The following TRIP12 variants were observed in gnomAD, a reference collection of about 807,000 sequenced individuals.
TRIP12 encodes thyroid hormone receptor interactor 12, also known as E3 ubiquitin-protein ligase TRIP12.
TRIP12 carries 25 observed loss-of-function variants against 244.2 expected under a neutral mutation model. The ratio of observed to expected loss-of-function variants is 0.10; its 90% CI spans 0.07 to 0.14. The LOEUF (loss-of-function observed/expected upper bound fraction) is 0.14, where lower values mean the gene tolerates loss of function less well. Among genes scored for constraint, TRIP12 ranks in the 10% least tolerant of loss-of-function variants. TRIP12 has a pLI of 1.00. For synonymous variants in TRIP12, 905 were observed against 873.1 expected (o/e 1.04, Z -0.64); for missense variants, 1,677 against 2,486.4 (o/e 0.67, Z 6.92).
chr2:229,864,776 A>G (rs2061211384), intron 2 of TRIP12, among the ~76,000 whole-genome samples: 1 of 152,198 alleles, frequency 6.6e-6, no homozygotes, highest in Admixed American at 6.5e-5. Context: ...CTGCAACAGA[A>G]CAGACTATAA....
At chr2:229,919,720 G>A (rs941186597) in intron 1 of TRIP12, among the ~76,000 whole-genome samples, 9 of 152,090 alleles carry the variant, frequency 5.9e-5, no homozygotes, top group African/African-American at 1.9e-4. Flanking sequence ...ACTGGGGATT[G>A]AATGGAAACA....
chr2:229,864,049 T>TGAGTGA (rs1220540272), intron 2 of TRIP12, among the ~76,000 whole-genome samples: 255 of 68,524 alleles, frequency 3.7e-3, no homozygotes, highest in Non-Finnish European at 5.5e-3. Context: ...AGAGAGAGAG[T>TGAGTGA]GTGTGTGTGT....
chr2:229,793,317 A>G, intron 26 of TRIP12, 172 bp from the exon 27 acceptor site: 1 of 581,884 alleles, frequency 1.7e-6, no homozygotes. Context: ...TATTTAGAAA[A>G]AATTTTTATA....
intron 2 of TRIP12, among the ~76,000 whole-genome samples, chr2:229,867,081 C>T (rs1371519584): frequency 1.4e-5 from 2 of 144,862 alleles, no homozygotes; most frequent in African/African-American, 5.1e-5. Context: ...TATATATATA[C>T]ACACACACAT....
rs754491593 is a variant in TRIP12 at position 229,858,824 on chromosome 2, A to G, written c.975T>C (p.Ser325=). The change falls in exon 4 of 42, where the codon TCT becomes TCC. Residue 325 remains serine, a synonymous_variant. Coordinates refer to ENST00000675903, the MANE Select transcript of TRIP12 (RefSeq NM_001348323.3). ...GTCCAGGTTTTGATGTCTCTGACTT[A>G]GAAGACCCTGGAAGAGACAGTTTTG... ...PKTKLSLPGS[S]KSETSKPGPS... The G allele has an allele frequency of 9.9e-6, 16 of 1,613,054 alleles. No individual in the cohort carries two copies. The highest frequency in any genetic ancestry group is 1.4e-5 in the Non-Finnish European group (16 of 1,179,146).
intron 4 of TRIP12, among the ~76,000 whole-genome samples, chr2:229,851,381 A>T (rs1480053030): frequency 1.3e-5 from 2 of 151,840 alleles, no homozygotes; most frequent in Non-Finnish European, 2.9e-5. Flanking sequence ...TATCTAGCTA[A>T]TCTGGTGGGG....
chr2:229,904,408 TC>T (rs776978969), intron 1 of TRIP12, among the ~76,000 whole-genome samples: 20 of 88,228 alleles, frequency 2.3e-4, no homozygotes, highest in Non-Finnish European at 3.3e-4. Flanking sequence ...AGAGTGAGAC[TC>T]CATCTCCAAA....
intron 19 of TRIP12, 51 bp from the exon 20 acceptor site, chr2:229,803,740 AT>A: frequency 7.4e-7 from 1 of 1,357,194 alleles, no homozygotes; most frequent in Non-Finnish European, 1.0e-6. Flanking sequence ...TTTGATGATT[AT>A]TTTTGGCCAT....
intron 8 of TRIP12, among the ~76,000 whole-genome samples, chr2:229,821,249 A>C (rs1049711308): frequency 2.0e-5 from 3 of 152,180 alleles, no homozygotes; most frequent in African/African-American, 7.2e-5. Flanking sequence ...TACCCATTAC[A>C]GCTTTTGCAC....
At chr2:229,895,565 T>C (rs2068583481) in intron 1 of TRIP12, among the ~76,000 whole-genome samples, 1 of 149,276 alleles carries the variant, frequency 6.7e-6, no homozygotes, top group African/African-American at 2.5e-5. Context: ...TGTGGCGGCC[T>C]ATTAGACAAA....
intron 5 of TRIP12, among the ~76,000 whole-genome samples, chr2:229,840,007 C>T (rs986356019): frequency 6.6e-6 from 1 of 152,144 alleles, no homozygotes; most frequent in South Asian, 2.1e-4. Context: ...AAGTACATTT[C>T]CCCCTCCATT....
chr2:229,807,834 G>A lies in TRIP12; in HGVS notation c.2370C>T (p.Gly790=), dbSNP rs1439416424. 6.2e-7 allele frequency: 1 copy of A among 1,613,890 alleles called. No individual in the cohort carries two copies. The highest frequency in any genetic ancestry group is 8.5e-7 in the Non-Finnish European group (1 of 1,179,914). ...CELMPCLPKE[G]IFAVDTMLKK... is the part of the protein sequence containing the mutation. The stretch of plus-strand genomic sequence containing the variant: ...TCAACATGGTATCAACTGCAAAAAT[G>A]CCTTCTTTTGGTAAACATGGCATAA... Residue 790 remains glycine, a synonymous_variant, in exon 17 of 42, where the codon GGC becomes GGT. Transcript: ENST00000675903.
At chr2:229,793,261 G>T in intron 26 of TRIP12, 116 bp from the exon 27 acceptor site, 1 of 1,000,446 alleles carries the variant, frequency 1.0e-6, no homozygotes, top group Non-Finnish European at 1.4e-6. Flanking sequence ...CTAGTACTAA[G>T]CATTTACTTA....
chr2:229,913,608 A>G (rs1363887798), intron 1 of TRIP12, among the ~76,000 whole-genome samples: 1 of 152,224 alleles, frequency 6.6e-6, no homozygotes, highest in Non-Finnish European at 1.5e-5. Context: ...TGAAAAATTT[A>G]TATTCTACAC....
intron 1 of TRIP12, chr2:229,900,954 G>A (rs1335596747): frequency 6.9e-6 from 1 of 144,688 alleles, no homozygotes; most frequent in African/African-American, 2.6e-5. Context: ...TTTTTTTTGA[G>A]ACAGAGTCTT....
At chr2:229,849,777 G>C (rs1339306930) in intron 4 of TRIP12, among the ~76,000 whole-genome samples, 1 of 152,108 alleles carries the variant, frequency 6.6e-6, no homozygotes, top group Non-Finnish European at 1.5e-5. Flanking sequence ...GGATGCTGAG[G>C]TGGGAACACT....
chr2:229,809,895 T>C (rs956238861), intron 15 of TRIP12, among the ~76,000 whole-genome samples: 1 of 152,240 alleles, frequency 6.6e-6, no homozygotes, highest in Non-Finnish European at 1.5e-5. Flanking sequence ...CTGCTAAATA[T>C]ACTGTCTCAG....
chr2:229,785,012 T>C (rs1175236812), intron 34 of TRIP12, among the ~76,000 whole-genome samples: 2 of 152,172 alleles, frequency 1.3e-5, no homozygotes, highest in African/African-American at 2.4e-5. Flanking sequence ...AGTCAAAAAC[T>C]GGAAACAACC....
At chr2:229,844,621 T>C (rs1456818660) in intron 4 of TRIP12, among the ~76,000 whole-genome samples, 2 of 152,210 alleles carry the variant, frequency 1.3e-5, no homozygotes, top group East Asian at 3.8e-4. Context: ...TCCAGCTTCT[T>C]CAAGATTCCT....
Sources: gnomAD v4.1 joint callset for allele counts (sites outside exome capture counted in the v4.1 genomes callset) on GRCh38, gnomAD v4.1.1 for gene constraint, MANE v1.5 for transcripts, NCBI Gene and HGNC (gene_info 2026-07-23, HGNC 2026-07-21) for gene names.